Variants in MAMDC2 observed in about 807,000 individuals in gnomAD.
MAMDC2 encodes the protein MAM domain containing 2, also known as MAM domain-containing protein 2.
In MAMDC2, 57 loss-of-function variants were observed where a neutral mutation model predicts 89.8. That is an observed-to-expected ratio of 0.63 (90% CI 0.51 to 0.79). MAMDC2 has a LOEUF of 0.79. Ranked by LOEUF, MAMDC2 falls within the 30% of genes least tolerant of loss-of-function variation. The pLI, the probability that MAMDC2 is intolerant of heterozygous loss-of-function variation, is 0.00. For synonymous variants in MAMDC2, 313 were observed against 293.4 expected, an observed-to-expected ratio of 1.07 and a Z score of -0.68; for missense variants, 800 against 820.6, an observed-to-expected ratio of 0.97 and a Z score of 0.31.
chr9:70,210,828 G>C (rs1179025574), intron 11 of MAMDC2, among the ~76,000 whole-genome samples: 1 of 152,072 alleles, frequency 6.6e-6, no homozygotes, highest in Admixed American at 6.5e-5. Context: ...AGGCCTGGTA[G>C]TGACAAAACC....
chr9:70,074,925 CTG>C (rs1488325527), intron 2 of MAMDC2, among the ~76,000 whole-genome samples: 2 of 152,174 alleles, frequency 1.3e-5, no homozygotes, highest in African/African-American at 4.8e-5. Context: ...CCACAAAGAG[CTG>C]CAAAGAATGC....
intron 2 of MAMDC2, among the ~76,000 whole-genome samples, chr9:70,092,972 T>C (rs146114819): frequency 6.6e-6 from 1 of 152,204 alleles, no homozygotes; most frequent in Non-Finnish European, 1.5e-5. Context: ...TCCTACTTGC[T>C]TTTATCCTTT....
At chr9:70,168,350 G>C (rs1268125835) in intron 9 of MAMDC2, among the ~76,000 whole-genome samples, 1 of 152,076 alleles carries the variant, frequency 6.6e-6, no homozygotes, top group African/African-American at 2.4e-5. Context: ...AAATTATCTG[G>C]GCATGGTGAC....
At chr9:70,133,585 G>A (rs1184740834) in intron 7 of MAMDC2, among the ~76,000 whole-genome samples, 1 of 152,150 alleles carries the variant, frequency 6.6e-6, no homozygotes, top group Non-Finnish European at 1.5e-5. Context: ...TCATCGTAGT[G>A]TTATGCTCAA....
chr9:70,062,784 C>T (rs764130324), intron 2 of MAMDC2: 3 of 152,198 alleles, frequency 2.0e-5, no homozygotes, highest in Non-Finnish European at 4.4e-5. Flanking sequence ...AGAATAAATT[C>T]TTCTACTGCC....
intron 11 of MAMDC2, among the ~76,000 whole-genome samples, chr9:70,205,954 G>A (rs1257028149): frequency 6.8e-6 from 1 of 147,374 alleles, no homozygotes; most frequent in Non-Finnish European, 1.5e-5. Flanking sequence ...TCTTTTCTGG[G>A]GAAACCAAGT....
intron 11 of MAMDC2, among the ~76,000 whole-genome samples, chr9:70,210,183 A>G (rs949394829): frequency 6.6e-6 from 1 of 152,060 alleles, no homozygotes; most frequent in African/African-American, 2.4e-5. Context: ...CAATTCCTGG[A>G]TATCCTTGTT....
intron 11 of MAMDC2, chr9:70,216,363 A>C (rs566064297): frequency 1.3e-5 from 2 of 152,148 alleles, no homozygotes; most frequent in Admixed American, 6.5e-5. Flanking sequence ...CTCTTTTCCT[A>C]GTTTGCAGAC....
rs193011611 is a variant in MAMDC2 at position 70,210,315 on chromosome 9, G to C, written c.1652-8022G>C. 4.3e-3 allele frequency among the ~76,000 whole-genome samples: 649 copies of C among 152,154 alleles called. 8 individuals carry two copies. Among genetic ancestry groups the C allele is most frequent in the African/African-American group, 0.014 (594 of 41,500 alleles). On this transcript the variant is annotated intron_variant, in intron 11 of 13. Transcript: ENST00000377182. Reference sequence around the variant, plus strand: ...AAGGACTTGCTTTATGAATCTGGATGCTTCTGTATTGGGTGCATATATATT... The same window carrying C: ...AAGGACTTGCTTTATGAATCTGGATCCTTCTGTATTGGGTGCATATATATT...
At chr9:70,155,857 A>G (rs762539347) in intron 9 of MAMDC2, among the ~76,000 whole-genome samples, 2 of 152,140 alleles carry the variant, frequency 1.3e-5, no homozygotes, top group Non-Finnish European at 2.9e-5. Flanking sequence ...GCTTCTCTCA[A>G]TGTCTACCTC....
chr9:70,205,518 C>T (rs1441008642), intron 11 of MAMDC2, among the ~76,000 whole-genome samples: 2 of 152,126 alleles, frequency 1.3e-5, no homozygotes, highest in Non-Finnish European at 2.9e-5. Flanking sequence ...ACTCAGGCTC[C>T]TTCCCTACCC....
intron 2 of MAMDC2, among the ~76,000 whole-genome samples, chr9:70,067,385 G>A (rs1827292240): frequency 1.3e-5 from 2 of 152,076 alleles, no homozygotes; most frequent in African/African-American, 4.8e-5. Flanking sequence ...CCTCATCTGT[G>A]GCATAGATAT....
chr9:70,179,528 A>ATAAAT (rs2032586827), intron 11 of MAMDC2, among the ~76,000 whole-genome samples: 1 of 85,044 alleles, frequency 1.2e-5, no homozygotes, highest in East Asian at 3.2e-4. Context: ...CGTCTCAAAA[A>ATAAAT]AAATAAATAA....
chr9:70,189,094 A>G (rs565779479), intron 11 of MAMDC2, among the ~76,000 whole-genome samples: 34 of 152,294 alleles, frequency 2.2e-4, no homozygotes, highest in Admixed American at 6.5e-4. Context: ...TCAGAAGATA[A>G]GAGAAATAAA....
chr9:70,199,400 A>G (rs1014252410), intron 11 of MAMDC2, among the ~76,000 whole-genome samples: 3 of 146,560 alleles, frequency 2.0e-5, no homozygotes, highest in African/African-American at 7.5e-5. Flanking sequence ...TTATGGCTGC[A>G]TAGTATTCCA....
intron 1 of MAMDC2, 64 bp from the exon 2 acceptor site, chr9:70,044,520 C>T: frequency 3.0e-6 from 4 of 1,320,030 alleles, no homozygotes; most frequent in Non-Finnish European, 4.2e-6. Context: ...CCCCCTGGGG[C>T]TCCCCGAGTT....
intron 9 of MAMDC2, among the ~76,000 whole-genome samples, chr9:70,146,770 TA>T (rs897429346): frequency 6.8e-6 from 1 of 147,802 alleles, no homozygotes. Context: ...CCATCTCTAC[TA>T]AAAAAATACA....
chr9:70,191,641 C>A (rs1365072994), intron 11 of MAMDC2, among the ~76,000 whole-genome samples: 1 of 152,032 alleles, frequency 6.6e-6, no homozygotes, highest in African/African-American at 2.4e-5. Context: ...GAGCAAGTCA[C>A]CTCAGTCCAA....
At chr9:70,221,356 A>AATATATACATATATATAT (rs2033551530) in intron 12 of MAMDC2, among the ~76,000 whole-genome samples, 1 of 9,422 alleles carries the variant, frequency 1.1e-4, no homozygotes, top group African/African-American at 3.0e-4. Flanking sequence ...CCAAACAACA[A>AATATATACATATATATAT]ATATATATAT....
Sources: allele counts gnomAD v4.1 joint callset (sites outside exome capture counted in the v4.1 genomes callset), GRCh38; gene constraint gnomAD v4.1.1; transcripts MANE v1.5; gene names NCBI Gene and HGNC (gene_info 2026-07-23, HGNC 2026-07-21).